CNTN5: variants seen among roughly 807,000 people sequenced by gnomAD.
The protein encoded by CNTN5 is contactin 5, also known as contactin-5.
Under a neutral mutation model 129.1 loss-of-function variants are expected in CNTN5, and 77 were observed. That is an observed-to-expected ratio of 0.60 (90% CI 0.50 to 0.72). The LOEUF (loss-of-function observed/expected upper bound fraction) is 0.72. CNTN5 is among the 30% of genes least tolerant of loss of function. The probability of loss-of-function intolerance (pLI) is 0.00; values close to 1 mark genes in which losing one functional copy is unlikely to be tolerated. For synonymous variants in CNTN5, 509 were observed against 465.6 expected, an observed-to-expected ratio of 1.09 and a Z score of -1.20; for missense variants, 1,478 against 1,328.8, an observed-to-expected ratio of 1.11 and a Z score of -1.75.
At chr11:100,210,206 T>A (rs1266695777) in intron 15 of CNTN5, among the ~76,000 whole-genome samples, 2 of 149,666 alleles carry the variant, frequency 1.3e-5, no homozygotes, top group Non-Finnish European at 3.0e-5. Context: ...CAAAAAATTA[T>A]CCAGGCTTGA....
intron 3 of CNTN5, among the ~76,000 whole-genome samples, chr11:99,741,709 C>A (rs1943892887): frequency 6.6e-6 from 1 of 152,118 alleles, no homozygotes; most frequent in Admixed American, 6.6e-5. Flanking sequence ...ACAAGCCCTT[C>A]AAAATCTTTC....
intron 9 of CNTN5, among the ~76,000 whole-genome samples, chr11:100,041,140 T>C (rs1450450985): frequency 6.6e-6 from 1 of 152,108 alleles, no homozygotes; most frequent in Non-Finnish European, 1.5e-5. Context: ...GTATCTTAAA[T>C]ACACTCTTTT....
intron 2 of CNTN5, among the ~76,000 whole-genome samples, chr11:99,431,858 G>C (rs2135107349): frequency 6.6e-6 from 1 of 152,234 alleles, no homozygotes; most frequent in African/African-American, 2.4e-5. Context: ...GGTCAAGAGG[G>C]AGGGCATGGT....
intron 3 of CNTN5, among the ~76,000 whole-genome samples, chr11:99,738,813 G>T (rs548202933): frequency 6.6e-6 from 1 of 152,254 alleles, no homozygotes; most frequent in African/African-American, 2.4e-5. Flanking sequence ...TAGGCATGTA[G>T]AAGGAATGTA....
chr11:99,981,094 A>ATATATATATATATATATATATATATG (rs1364632953), intron 8 of CNTN5, among the ~76,000 whole-genome samples: 21 of 81,224 alleles, frequency 2.6e-4, no homozygotes, highest in East Asian at 2.6e-3. Flanking sequence ...ATATATATAT[A>ATATATATATATATATATATATATATG]TATATATATA....
At chr11:99,588,071 C>A (rs150115802) in intron 3 of CNTN5, among the ~76,000 whole-genome samples, 3,854 of 152,288 alleles carry the variant, frequency 0.025, 70 homozygotes, top group South Asian at 0.047. Flanking sequence ...CGGCCGGGCG[C>A]AGTGGCTCAC....
chr11:99,770,762 C>T (rs1214798881), intron 3 of CNTN5, among the ~76,000 whole-genome samples: 1 of 151,778 alleles, frequency 6.6e-6, no homozygotes, highest in Non-Finnish European at 1.5e-5. Flanking sequence ...TTAATGCAAA[C>T]CCTATAAAAA....
intron 1 of CNTN5, among the ~76,000 whole-genome samples, chr11:99,128,549 T>G (rs1437005163): frequency 6.6e-6 from 1 of 152,124 alleles, no homozygotes; most frequent in African/African-American, 2.4e-5. Context: ...GTGGGCTTAA[T>G]CTTTCCCGTC....
chr11:99,138,551 A>G, intron 1 of CNTN5, among the ~76,000 whole-genome samples: 1 of 152,160 alleles, frequency 6.6e-6, no homozygotes, highest in East Asian at 1.9e-4. Flanking sequence ...GGATGTTATG[A>G]CATTTAAAGA....
At chr11:99,984,956 GC>G (rs1015380058) in intron 8 of CNTN5, among the ~76,000 whole-genome samples, 2 of 152,164 alleles carry the variant, frequency 1.3e-5, no homozygotes, top group Non-Finnish European at 2.9e-5. Context: ...AATCCTTCCA[GC>G]CACTGCTCCA....
chr11:99,490,952 C>T (rs1306198396), intron 2 of CNTN5, among the ~76,000 whole-genome samples: 2 of 150,886 alleles, frequency 1.3e-5, no homozygotes, highest in African/African-American at 4.9e-5. Flanking sequence ...CGAGATCTAA[C>T]CACTATTGGG....
intron 2 of CNTN5, among the ~76,000 whole-genome samples, chr11:99,361,238 C>T (rs934651317): frequency 6.6e-5 from 10 of 152,278 alleles, no homozygotes; most frequent in African/African-American, 2.4e-4. Context: ...TCTGTACCCT[C>T]ACCAGAAGCA....
At chr11:99,684,325 T>G (rs1189682105) in intron 3 of CNTN5, among the ~76,000 whole-genome samples, 1 of 151,954 alleles carries the variant, frequency 6.6e-6, no homozygotes, top group African/African-American at 2.4e-5. Flanking sequence ...CATTTTTGTT[T>G]TATTTCTGGA....
At chr11:99,148,403 A>G (rs561330387) in intron 1 of CNTN5, among the ~76,000 whole-genome samples, 1 of 152,278 alleles carries the variant, frequency 6.6e-6, no homozygotes, top group East Asian at 1.9e-4. Context: ...CCTCAGAACC[A>G]GAAGAGACTG....
intron 4 of CNTN5, among the ~76,000 whole-genome samples, chr11:99,831,760 A>G (rs193217688): frequency 6.6e-6 from 1 of 152,296 alleles, no homozygotes; most frequent in East Asian, 1.9e-4. Flanking sequence ...TTGTTGTTGC[A>G]TAGAATAAGA....
chr11:99,148,200 G>T (rs1859878878), intron 1 of CNTN5, among the ~76,000 whole-genome samples: 1 of 151,918 alleles, frequency 6.6e-6, no homozygotes, highest in Admixed American at 6.6e-5. Context: ...TAAAATAAAT[G>T]GTTCATCAGT....
At chr11:99,205,665 C>G (rs748243486) in intron 1 of CNTN5, among the ~76,000 whole-genome samples, 1 of 152,154 alleles carries the variant, frequency 6.6e-6, no homozygotes, top group Non-Finnish European at 1.5e-5. Flanking sequence ...AATGTTCTCA[C>G]ACACTCTCTT....
At chr11:99,804,533 GA>G (rs1284896714) in intron 3 of CNTN5, among the ~76,000 whole-genome samples, 85 of 140,582 alleles carry the variant, frequency 6.0e-4, no homozygotes, top group Middle Eastern at 3.8e-3. Context: ...TTTTGAGATA[GA>G]AAAAAAAAAA....
intron 23 of CNTN5, among the ~76,000 whole-genome samples, chr11:100,346,869 G>A (rs754100589): frequency 1.5e-4 from 23 of 152,106 alleles, no homozygotes; most frequent in Non-Finnish European, 2.8e-4. Flanking sequence ...CCACGTGGCT[G>A]GAGAGGCCTC....
Sources: allele counts gnomAD v4.1 joint callset (sites outside exome capture counted in the v4.1 genomes callset), GRCh38; gene constraint gnomAD v4.1.1; transcripts MANE v1.5; gene names NCBI Gene and HGNC (gene_info 2026-07-23, HGNC 2026-07-21).